Variants in PTPRM observed in about 807,000 individuals in gnomAD.
The protein encoded by PTPRM is protein tyrosine phosphatase receptor type M, also known as receptor-type tyrosine-protein phosphatase mu.
In PTPRM, 47 loss-of-function variants were observed where a neutral mutation model predicts 186.7. That is an observed-to-expected ratio of 0.25 (90% CI 0.20 to 0.32). PTPRM has a LOEUF of 0.32. PTPRM is among the 10% of genes least tolerant of loss of function. The pLI is 1.00. For synonymous variants in PTPRM, 668 were observed against 674.9 expected, an observed-to-expected ratio of 0.99 and a Z score of 0.16; for missense variants, 1,494 against 1,865.0, an observed-to-expected ratio of 0.80 and a Z score of 3.66.
At chr18:8,301,955 C>A (rs1227249477) in intron 20 of PTPRM, among the ~76,000 whole-genome samples, 1 of 152,184 alleles carries the variant, frequency 6.6e-6, no homozygotes, top group Admixed American at 6.5e-5. Flanking sequence ...GTGGCCGGTA[C>A]AGCAGGGAAG....
intron 5 of PTPRM, among the ~76,000 whole-genome samples, chr18:7,931,504 C>G (rs2051482643): frequency 6.6e-6 from 1 of 152,110 alleles, no homozygotes; most frequent in African/African-American, 2.4e-5. Flanking sequence ...AGATCGAGAC[C>G]ATCCTGGCCA....
chr18:7,783,432 T>C (rs2042948805), intron 2 of PTPRM, among the ~76,000 whole-genome samples: 1 of 152,066 alleles, frequency 6.6e-6, no homozygotes, highest in Admixed American at 6.6e-5. Flanking sequence ...AGTCCCAGAG[T>C]CAGAGGGGTT....
intron 3 of PTPRM, among the ~76,000 whole-genome samples, chr18:7,891,352 A>ATT (rs10657422): frequency 0.11 from 16,772 of 148,472 alleles, 1,584 homozygotes; most frequent in African/African-American, 0.25. Flanking sequence ...TAACAGGTAA[A>ATT]TTTTTTTTTT....
chr18:8,380,548 G>C, intron 29 of PTPRM, 121 bp downstream of exon 29: 1 of 1,190,562 alleles, frequency 8.4e-7, no homozygotes, highest in Non-Finnish European at 1.2e-6. Context: ...GCCAGTTGAA[G>C]TTGAGAACTG....
chr18:8,064,606 A>G (rs1465202534), intron 7 of PTPRM, among the ~76,000 whole-genome samples: 2 of 152,178 alleles, frequency 1.3e-5, no homozygotes, highest in South Asian at 2.1e-4. Context: ...AATTTTTAGG[A>G]TAAGTTTGAA....
intron 7 of PTPRM, among the ~76,000 whole-genome samples, chr18:7,998,163 A>G (rs922918761): frequency 2.0e-5 from 3 of 152,194 alleles, no homozygotes; most frequent in Non-Finnish European, 4.4e-5. Context: ...ATGGATAAGT[A>G]AAATATAGTG....
intron 14 of PTPRM, among the ~76,000 whole-genome samples, chr18:8,166,153 A>C (rs909228104): frequency 3.9e-5 from 6 of 152,110 alleles, no homozygotes; most frequent in Non-Finnish European, 7.4e-5. Context: ...CGCAGATCCT[A>C]TCTATGGGAG....
intron 7 of PTPRM, among the ~76,000 whole-genome samples, chr18:8,041,768 G>A (rs9966452): frequency 6.6e-6 from 1 of 152,086 alleles, no homozygotes; most frequent in East Asian, 1.9e-4. Flanking sequence ...CTGCCACAAG[G>A]GTGAAGTGAA....
intron 14 of PTPRM, among the ~76,000 whole-genome samples, chr18:8,190,738 A>C (rs535971141): frequency 1.6e-4 from 25 of 152,316 alleles, no homozygotes; most frequent in Non-Finnish European, 2.8e-4. Flanking sequence ...CAAATACATA[A>C]ATGTTAAAAG....
intron 14 of PTPRM, among the ~76,000 whole-genome samples, chr18:8,174,765 A>C (rs1054653406): frequency 6.6e-6 from 1 of 152,230 alleles, no homozygotes; most frequent in Non-Finnish European, 1.5e-5. Flanking sequence ...GCTTTCATTC[A>C]AAAGAAGCCA....
chr18:7,576,160 A>G (rs185013922), intron 1 of PTPRM, among the ~76,000 whole-genome samples: 169 of 152,370 alleles, frequency 1.1e-3, no homozygotes, highest in African/African-American at 4.0e-3. Flanking sequence ...ATTTATTTCA[A>G]CATGCACCAG....
At chr18:7,834,489 T>TACACAC (rs1555613378) in intron 2 of PTPRM, among the ~76,000 whole-genome samples, 3 of 3,796 alleles carry the variant, frequency 7.9e-4, no homozygotes, top group Non-Finnish European at 1.2e-3. Flanking sequence ...AATATACAAG[T>TACACAC]ATACACACAC....
intron 1 of PTPRM, among the ~76,000 whole-genome samples, chr18:7,592,065 G>A (rs1028809732): frequency 2.0e-5 from 3 of 152,092 alleles, no homozygotes; most frequent in Non-Finnish European, 2.9e-5. Context: ...TTAGTGACCC[G>A]TTGTTTGATT....
chr18:8,057,425 C>CTTTTTTTTTTTTTTTTTTTTTAGTTT (rs2088072606), intron 7 of PTPRM, among the ~76,000 whole-genome samples: 1 of 102,560 alleles, frequency 9.8e-6, no homozygotes, highest in Non-Finnish European at 1.9e-5. Flanking sequence ...TGTGATACTT[C>CTTTTTTTTTTTTTTTTTTTTTAGTTT]TTTTTTTTTT....
chr18:7,989,733 A>G (rs987530535), intron 7 of PTPRM, among the ~76,000 whole-genome samples: 2 of 152,164 alleles, frequency 1.3e-5, no homozygotes, highest in Admixed American at 1.3e-4. Context: ...CACACTTTCT[A>G]TAAGTTTCCA....
intron 7 of PTPRM, among the ~76,000 whole-genome samples, chr18:7,989,110 T>G (rs549371252): frequency 6.6e-6 from 1 of 152,352 alleles, no homozygotes; most frequent in South Asian, 2.1e-4. Context: ...AAATTCACTC[T>G]ATATTTGTTT....
intron 19 of PTPRM, among the ~76,000 whole-genome samples, chr18:8,278,616 G>T (rs540532532): frequency 6.6e-6 from 1 of 152,296 alleles, no homozygotes; most frequent in South Asian, 2.1e-4. Flanking sequence ...TTGCTTAGAA[G>T]TTCGTTTGAA....
chr18:7,775,501 C>A (rs1411814642), intron 2 of PTPRM, among the ~76,000 whole-genome samples: 6 of 152,042 alleles, frequency 3.9e-5, no homozygotes, highest in African/African-American at 1.4e-4. Flanking sequence ...GTGGGGCCGT[C>A]GTTTCCCAAA....
At chr18:7,589,215 T>C (rs1386096456) in intron 1 of PTPRM, among the ~76,000 whole-genome samples, 2 of 152,166 alleles carry the variant, frequency 1.3e-5, no homozygotes, top group Non-Finnish European at 2.9e-5. Context: ...AGCGAATGTC[T>C]GTTGTTTGAA....
Sources: allele counts gnomAD v4.1 joint callset (sites outside exome capture counted in the v4.1 genomes callset), GRCh38; gene constraint gnomAD v4.1.1; transcripts MANE v1.5; gene names NCBI Gene and HGNC (gene_info 2026-07-23, HGNC 2026-07-21).